LRRC7: variants seen among roughly 807,000 people sequenced by gnomAD.
The protein encoded by LRRC7 is leucine-rich repeat-containing protein 7.
LRRC7 carries 23 observed loss-of-function variants against 175.7 expected under a neutral mutation model. The ratio of observed to expected loss-of-function variants is 0.13; its 90% CI spans 0.09 to 0.19. The LOEUF is 0.19. LRRC7 is among the 10% of genes least tolerant of loss of function. The pLI, the probability that LRRC7 is intolerant of heterozygous loss-of-function variation, is 1.00. For synonymous variants in LRRC7, 685 were observed against 680.9 expected, an observed-to-expected ratio of 1.01 and a Z score of -0.09; for missense variants, 1,354 against 1,904.7, an observed-to-expected ratio of 0.71 and a Z score of 5.38.
At chr1:69,861,405 T>C (rs1684342291) in intron 7 of LRRC7, among the ~76,000 whole-genome samples, 1 of 152,144 alleles carries the variant, frequency 6.6e-6, no homozygotes, top group Admixed American at 6.6e-5. Context: ...AAAAGGAGAA[T>C]GTTAGTGAAA....
intron 7 of LRRC7, among the ~76,000 whole-genome samples, chr1:69,907,056 CTGTT>C (rs1388836016): frequency 2.0e-5 from 3 of 151,960 alleles, no homozygotes; most frequent in East Asian, 1.9e-4. Flanking sequence ...ATTTGGCTCT[CTGTT>C]TGTCTGTTCT....
intron 3 of LRRC7, among the ~76,000 whole-genome samples, chr1:69,774,132 C>T (rs767179838): frequency 1.3e-4 from 20 of 152,090 alleles, no homozygotes; most frequent in Non-Finnish European, 2.8e-4. Flanking sequence ...ATCCAGGGAC[C>T]AGGGCCCAGT....
intron 3 of LRRC7, among the ~76,000 whole-genome samples, chr1:69,779,216 A>G (rs1370915018): frequency 1.3e-5 from 2 of 152,132 alleles, no homozygotes; most frequent in Non-Finnish European, 2.9e-5. Flanking sequence ...AAGCAACAAA[A>G]GGAACCCCCT....
Position 69,765,610 on chromosome 1 carries a change from A to G in LRRC7, c.303+5217A>G, listed in dbSNP as rs115289420. ...TGTAATACGTTAATGATGTTTGCCT[A>G]TTTCCATCCATCTATCTATCCATTC... On this transcript the variant is annotated intron_variant, in intron 3 of 26. Transcript: ENST00000651989. Among the ~76,000 whole-genome samples, 1,410 of 152,188 alleles carry G rather than the reference A, an allele frequency of 9.3e-3. 20 individuals are homozygous for G. The highest frequency in any genetic ancestry group is 0.032 in the African/African-American group (1,334 of 41,544).
intron 9 of LRRC7, among the ~76,000 whole-genome samples, chr1:69,982,356 A>G (rs889136624): frequency 1.3e-5 from 2 of 152,196 alleles, no homozygotes; most frequent in African/African-American, 4.8e-5. Flanking sequence ...GGCTTTCTGG[A>G]TGTTGGCGCT....
intron 18 of LRRC7, among the ~76,000 whole-genome samples, chr1:70,032,477 C>G (rs17131135): frequency 0.22 from 32,799 of 151,898 alleles, 3,594 homozygotes; most frequent in African/African-American, 0.24. Flanking sequence ...ACAGAGGAAG[C>G]CTACAGTAAA....
intron 2 of LRRC7, among the ~76,000 whole-genome samples, chr1:69,738,196 G>T (rs1668327610): frequency 6.6e-6 from 1 of 151,908 alleles, no homozygotes; most frequent in African/African-American, 2.4e-5. Flanking sequence ...AAGTAATATT[G>T]CATTGATTAC....
chr1:69,725,432 G>C (rs1171124799), intron 2 of LRRC7, among the ~76,000 whole-genome samples: 1 of 152,100 alleles, frequency 6.6e-6, no homozygotes, highest in Non-Finnish European at 1.5e-5. Context: ...CATTCTGTTA[G>C]GAAGCCAAAG....
chr1:70,054,879 C>T (rs1308843717), intron 23 of LRRC7, among the ~76,000 whole-genome samples: 2 of 151,504 alleles, frequency 1.3e-5, no homozygotes, highest in African/African-American at 2.4e-5. Flanking sequence ...CATGAACCAC[C>T]GCTCCCGGCC....
intron 14 of LRRC7, among the ~76,000 whole-genome samples, chr1:70,017,751 G>A (rs1450079105): frequency 6.6e-6 from 1 of 151,998 alleles, no homozygotes; most frequent in East Asian, 1.9e-4. Context: ...GCTTCCATCT[G>A]AGTCAAAAAT....
intron 2 of LRRC7, among the ~76,000 whole-genome samples, chr1:69,743,467 T>C (rs1668932280): frequency 6.6e-6 from 1 of 151,940 alleles, no homozygotes; most frequent in African/African-American, 2.4e-5. Context: ...AAGTTGACCA[T>C]ATATGTAGGG....
intron 1 of LRRC7, among the ~76,000 whole-genome samples, chr1:69,593,095 A>G (rs1646703678): frequency 1.3e-5 from 2 of 152,204 alleles, no homozygotes; most frequent in East Asian, 3.9e-4. Flanking sequence ...TTAATTCTGT[A>G]TATAGGTTTT....
chr1:69,953,521 A>T (rs1460066560), intron 8 of LRRC7, among the ~76,000 whole-genome samples: 1 of 152,026 alleles, frequency 6.6e-6, no homozygotes, highest in Non-Finnish European at 1.5e-5. Flanking sequence ...CTGTTTGGTG[A>T]ATAGTGCCTA....
chr1:69,811,460 C>A (rs1677854473), intron 4 of LRRC7, among the ~76,000 whole-genome samples: 1 of 152,124 alleles, frequency 6.6e-6, no homozygotes, highest in Non-Finnish European at 1.5e-5. Flanking sequence ...AATATAAAGA[C>A]ACATGGACAC....
chr1:69,698,678 G>A (rs898550551), intron 2 of LRRC7, among the ~76,000 whole-genome samples: 1 of 152,148 alleles, frequency 6.6e-6, no homozygotes, highest in Non-Finnish European at 1.5e-5. Context: ...CATATTTCAT[G>A]ACACAATTAA....
intron 8 of LRRC7, among the ~76,000 whole-genome samples, chr1:69,970,974 C>G (rs1156950761): frequency 6.6e-6 from 1 of 152,104 alleles, no homozygotes; most frequent in Non-Finnish European, 1.5e-5. Flanking sequence ...GATGGTTTAA[C>G]ATACACAAGT....
intron 3 of LRRC7, among the ~76,000 whole-genome samples, chr1:69,761,183 A>G (rs1441167790): frequency 6.6e-6 from 1 of 152,078 alleles, no homozygotes; most frequent in Non-Finnish European, 1.5e-5. Flanking sequence ...AACCCAGATT[A>G]AGTAGTTAGC....
chr1:69,865,109 G>A (rs1408710579), intron 7 of LRRC7, among the ~76,000 whole-genome samples: 2 of 152,092 alleles, frequency 1.3e-5, no homozygotes, highest in East Asian at 3.9e-4. Context: ...CCAGTGGAGG[G>A]GAACTACTTC....
At chr1:69,688,958 A>G (rs984864636) in intron 2 of LRRC7, among the ~76,000 whole-genome samples, 1 of 152,178 alleles carries the variant, frequency 6.6e-6, no homozygotes, top group Non-Finnish European at 1.5e-5. Flanking sequence ...AAAATATTTT[A>G]TGGTTGTGAA....
Sources: gnomAD v4.1 joint callset for allele counts (sites outside exome capture counted in the v4.1 genomes callset) on GRCh38, gnomAD v4.1.1 for gene constraint, MANE v1.5 for transcripts, NCBI Gene and HGNC (gene_info 2026-07-23, HGNC 2026-07-21) for gene names.